Variants in ACSL3 observed in about 807,000 individuals in gnomAD.
The protein encoded by ACSL3 is acyl-CoA synthetase long chain family member 3.
A neutral mutation model predicts 84.7 loss-of-function variants in ACSL3; 34 were observed. That is an observed-to-expected ratio of 0.40 (90% CI 0.31 to 0.53). The LOEUF (loss-of-function observed/expected upper bound fraction) is 0.53, where lower values mean the gene tolerates loss of function less well. Ranked by LOEUF, ACSL3 falls within the 20% of genes least tolerant of loss-of-function variation. The pLI is 0.48. For missense variants in ACSL3, 680 were observed against 873.1 expected, an observed-to-expected ratio of 0.78 and a Z score of 2.79; for synonymous variants, 315 against 299.4, an observed-to-expected ratio of 1.05 and a Z score of -0.54.
At chr2:222,927,686 A>G (rs544242261) in intron 12 of ACSL3, among the ~76,000 whole-genome samples, 43 of 152,330 alleles carry the variant, frequency 2.8e-4, no homozygotes, top group African/African-American at 1.0e-3. Context: ...GAGGAGATCT[A>G]CCAACTAATC....
chr2:222,928,878 T>C lies in ACSL3; in HGVS notation c.1482T>C (p.Thr494=), dbSNP rs773293039. The C allele has an allele frequency of 2.5e-6, 4 of 1,613,612 alleles. No homozygotes were observed. The highest frequency in any genetic ancestry group is 3.3e-5 in the Admixed American group (2 of 59,956). ...GTISEVWDYN[T]GRVGAPLVCC... is the part of the protein sequence containing the mutation. ...AATTCCTAGTGTGGGACTACAATAC[T>C]GGCAGAGTGGGAGCACCATTAGTTT... Residue 494 remains threonine (T), a synonymous_variant, in exon 13 of 17, where the codon ACT becomes ACC. Transcript: ENST00000357430.
intron 1 of ACSL3, among the ~76,000 whole-genome samples, chr2:222,874,844 A>G (rs969181586): frequency 2.6e-5 from 4 of 151,976 alleles, no homozygotes; most frequent in Admixed American, 6.6e-5. Flanking sequence ...ACATTGGCTC[A>G]CTACTGTAAT....
chr2:222,916,856 A>G (rs1006516809), intron 5 of ACSL3, among the ~76,000 whole-genome samples: 11 of 152,196 alleles, frequency 7.2e-5, no homozygotes, highest in Admixed American at 1.3e-4. Flanking sequence ...CCTCCGAAAC[A>G]CTTCCATACT....
chr2:222,884,324 T>C (rs992678116), intron 1 of ACSL3, among the ~76,000 whole-genome samples: 1 of 152,198 alleles, frequency 6.6e-6, no homozygotes, highest in Non-Finnish European at 1.5e-5. Flanking sequence ...ACATTCACAG[T>C]GGCAGTGAGG....
At chr2:222,868,390 G>T (rs1258628518) in intron 1 of ACSL3, among the ~76,000 whole-genome samples, 3 of 152,134 alleles carry the variant, frequency 2.0e-5, no homozygotes, top group African/African-American at 7.2e-5. Flanking sequence ...ATTCAAATGA[G>T]GTGTCTGGCA....
In ACSL3 at chr2:222,917,951, C is replaced by T. The variant is rs1055682226; in HGVS notation, c.557-95C>T. The T allele has an allele frequency of 3.7e-4, 316 of 862,566 alleles. 1 individual carries two copies. The highest frequency in any genetic ancestry group is 6.9e-5 in the Non-Finnish European group (37 of 533,116). The allele number at this position is 862,566 out of a possible 1,614,324, so 53.4% of individuals were successfully genotyped here. Reference sequence around the variant, plus strand: ...ACTGTGGATTTAACAGTTTAGGGCTCCTAATGCGTTATTATGATTCATCTC... The same window carrying T: ...ACTGTGGATTTAACAGTTTAGGGCTTCTAATGCGTTATTATGATTCATCTC... On this transcript the variant is annotated intron_variant, in intron 5 of 16. Coordinates refer to ENST00000357430, the MANE Select transcript of ACSL3 (RefSeq NM_004457.5).
intron 1 of ACSL3, among the ~76,000 whole-genome samples, chr2:222,863,395 C>T (rs938639270): frequency 1.3e-5 from 2 of 152,188 alleles, no homozygotes; most frequent in African/African-American, 4.8e-5. Context: ...TAATTCTTTT[C>T]ATTGCACAGT....
chr2:222,938,147 TTA>T (rs1697224010), intron 16 of ACSL3, among the ~76,000 whole-genome samples: 1 of 152,184 alleles, frequency 6.6e-6, no homozygotes, highest in Non-Finnish European at 1.5e-5. Flanking sequence ...TAATTACTTT[TTA>T]TGTCTTTGTT....
chr2:222,877,591 T>C (rs1180615610), intron 1 of ACSL3, among the ~76,000 whole-genome samples: 1 of 152,214 alleles, frequency 6.6e-6, no homozygotes, highest in Non-Finnish European at 1.5e-5. Flanking sequence ...TCAGAAATGA[T>C]TTTGTAGGCA....
chr2:222,876,217 T>C (rs1024388911), intron 1 of ACSL3, among the ~76,000 whole-genome samples: 1 of 152,218 alleles, frequency 6.6e-6, no homozygotes, highest in African/African-American at 2.4e-5. Context: ...TAGGAGCAGC[T>C]TTGATTCTGG....
chr2:222,914,700 T>C (rs1696530692), intron 4 of ACSL3, among the ~76,000 whole-genome samples: 3 of 152,236 alleles, frequency 2.0e-5, no homozygotes, highest in Admixed American at 2.0e-4. Context: ...TCTGCAGCAG[T>C]GTTCAATGAT....
At chr2:222,869,219 C>T (rs1695234745) in intron 1 of ACSL3, among the ~76,000 whole-genome samples, 1 of 152,112 alleles carries the variant, frequency 6.6e-6, no homozygotes, top group Non-Finnish European at 1.5e-5. Flanking sequence ...GTATGTAAAG[C>T]TTCATAGGTA....
At chr2:222,924,649 A>T in intron 11 of ACSL3, 54 bp downstream of exon 11, 1 of 1,470,572 alleles carries the variant, frequency 6.8e-7, no homozygotes, top group Non-Finnish European at 9.2e-7. Context: ...TTAATCATTT[A>T]GTTCACATTA....
intron 1 of ACSL3, among the ~76,000 whole-genome samples, chr2:222,876,521 T>C (rs1695454502): frequency 6.6e-6 from 1 of 152,086 alleles, no homozygotes; most frequent in African/African-American, 2.4e-5. Flanking sequence ...ACACTAGATC[T>C]ATTTTGTCCA....
At chr2:222,929,670 C>A (rs1014824987) in intron 13 of ACSL3, among the ~76,000 whole-genome samples, 1 of 151,734 alleles carries the variant, frequency 6.6e-6, no homozygotes, top group African/African-American at 2.4e-5. Flanking sequence ...TCCAGCTACT[C>A]GGGAGGCTGA....
chr2:222,888,681 G>A (rs1415368972), intron 2 of ACSL3, among the ~76,000 whole-genome samples: 1 of 152,112 alleles, frequency 6.6e-6, no homozygotes, highest in African/African-American at 2.4e-5. Flanking sequence ...AAGCAATGTA[G>A]GAGCATCTAA....
Position 222,894,678 on chromosome 2 carries a change from A to G in ACSL3, c.-147-5996A>G, listed in dbSNP as rs765688313. 5.0e-4 allele frequency among the ~76,000 whole-genome samples: 76 copies of G among 151,204 alleles called. 1 individual carries two copies. Among genetic ancestry groups the G allele is most frequent in the Non-Finnish European group, 1.5e-4 (10 of 67,530 alleles). ...TAAATATTCAGGGATAATTTCTTAA[A>G]AACCTTGACTTGCCTATATCTTTTT... On this transcript the variant is annotated intron_variant, in intron 2 of 16. Coordinates refer to ENST00000357430, the MANE Select transcript of ACSL3 (RefSeq NM_004457.5).
In ACSL3 at chr2:222,861,068, C is replaced by G. The variant is rs1046485020; in HGVS notation, c.-397C>G. On this transcript the variant is annotated 5_prime_UTR_variant, in exon 1 of 17. Coordinates refer to ENST00000357430, the MANE Select transcript of ACSL3 (RefSeq NM_004457.5). ...GCTGTGGCTGCGCCGGGCTGCGACA[C>G]TGCAGTTGTCTACGCGGCCGGGGCC... is the stretch of plus-strand genomic sequence containing the variant. 6.6e-6 allele frequency: 1 copy of G among 152,292 alleles called. No individual in the cohort carries two copies. The highest frequency in any genetic ancestry group is 1.5e-5 in the Non-Finnish European group (1 of 68,104). 9.4% of individuals were successfully genotyped at this position (152,292 alleles called of 1,614,324 possible).
At chr2:222,917,687 T>C (rs770422745) in intron 5 of ACSL3, 1 of 159,242 alleles carries the variant, frequency 6.3e-6, no homozygotes, top group African/African-American at 2.4e-5. Context: ...TATTTGTATA[T>C]GTTCTTTTTC....
Sources: allele counts gnomAD v4.1 joint callset (sites outside exome capture counted in the v4.1 genomes callset), GRCh38; gene constraint gnomAD v4.1.1; transcripts MANE v1.5; gene names NCBI Gene and HGNC (gene_info 2026-07-23, HGNC 2026-07-21).